Variants in COL19A1 observed in about 807,000 individuals in gnomAD.
The protein encoded by COL19A1 is collagen type XIX alpha 1 chain.
COL19A1 carries 159 observed loss-of-function variants against 190.2 expected under a neutral mutation model. The ratio of observed to expected loss-of-function variants is 0.84; its 90% CI spans 0.73 to 0.95. The LOEUF (loss-of-function observed/expected upper bound fraction) is 0.95, where lower values mean the gene tolerates loss of function less well. COL19A1 is among the 40% of genes least tolerant of loss of function. The pLI, the probability that COL19A1 is intolerant of heterozygous loss-of-function variation, is 0.00. For synonymous variants in COL19A1, 509 were observed against 458.9 expected (o/e 1.11, Z -1.39); for missense variants, 1,418 against 1,431.9 (o/e 0.99, Z 0.16).
At chr6:69,995,433 TTCCTGCCATAG>T (rs1322910053) in intron 11 of COL19A1, among the ~76,000 whole-genome samples, 2 of 152,170 alleles carry the variant, frequency 1.3e-5, no homozygotes, top group Non-Finnish European at 2.9e-5. Flanking sequence ...TTAGGTAGCT[TTCCTGCCATAG>T]CAATTAGCCA....
intron 48 of COL19A1, among the ~76,000 whole-genome samples, chr6:70,190,996 G>A (rs1766834507): frequency 6.6e-6 from 1 of 152,136 alleles, no homozygotes; most frequent in Non-Finnish European, 1.5e-5. Flanking sequence ...ATTTGAATTT[G>A]TTTCCATAAA....
chr6:70,028,316 CAA>C (rs754886389), intron 12 of COL19A1, among the ~76,000 whole-genome samples: 43 of 151,958 alleles, frequency 2.8e-4, no homozygotes, highest in Non-Finnish European at 5.3e-4. Context: ...TGAATGGGAC[CAA>C]GAGCTAACAA....
intron 14 of COL19A1, among the ~76,000 whole-genome samples, chr6:70,048,073 T>C (rs1780002779): frequency 6.6e-6 from 1 of 152,148 alleles, no homozygotes; most frequent in Non-Finnish European, 1.5e-5. Context: ...AGAAGTGCCT[T>C]AGACATGCTT....
At chr6:70,000,546 T>G (rs183183128) in intron 11 of COL19A1, among the ~76,000 whole-genome samples, 2 of 152,342 alleles carry the variant, frequency 1.3e-5, no homozygotes, top group African/African-American at 4.8e-5. Flanking sequence ...TCTTGACTTT[T>G]TAATAATTGC....
In COL19A1 at chr6:70,149,859, A is replaced by T; in HGVS notation, c.1938A>T (p.Arg646=). The T allele has an allele frequency of 6.2e-7, 1 of 1,613,690 alleles. No individual in the cohort carries two copies. Among genetic ancestry groups the T allele is most frequent in the Admixed American group, 1.7e-5 (1 of 59,934 alleles). ...PAGEPGIQGP[R]GLPGLPGTPG... ...TTTCCCTCCTTTTCCAGGGTCCTCG[A>T]GGTCTCCCTGGGTTGCCAGGAACTC... Residue 646 remains arginine, a synonymous_variant, in exon 29 of 51, where the codon CGA becomes CGT. Transcript: ENST00000620364.
At chr6:69,995,104 T>G (rs568993367) in intron 11 of COL19A1, among the ~76,000 whole-genome samples, 38 of 152,320 alleles carry the variant, frequency 2.5e-4, no homozygotes, top group Admixed American at 1.2e-3. Flanking sequence ...CCCCATTATT[T>G]GTCATTCGAA....
chr6:70,079,015 C>T (rs559925468), intron 15 of COL19A1, among the ~76,000 whole-genome samples: 36 of 152,162 alleles, frequency 2.4e-4, no homozygotes, highest in Non-Finnish European at 1.8e-4. Context: ...TTCAGTGAGC[C>T]GAGCTCACAT....
Position 69,932,782 on chromosome 6 carries a change from G to C in COL19A1, c.667-1G>C. The C allele has an allele frequency of 6.3e-7, 1 of 1,584,542 alleles. No homozygotes were observed. Among genetic ancestry groups the C allele is most frequent in the South Asian group, 1.1e-5 (1 of 87,780 alleles). On this transcript the variant is annotated splice_acceptor_variant, in intron 6 of 50. Coordinates refer to ENST00000620364, the MANE Select transcript of COL19A1 (RefSeq NM_001858.6). LOFTEE classifies it high-confidence loss of function. ...GTTTCTTATTACTAATTTTTTCATA[G>C]ATTGAACTTCACCAACTTAAAATCT...
chr6:69,943,975 C>T (rs1370793570), intron 9 of COL19A1, among the ~76,000 whole-genome samples: 1 of 152,090 alleles, frequency 6.6e-6, no homozygotes, highest in African/African-American at 2.4e-5. Flanking sequence ...TAACCATGGG[C>T]TATGAGGCTT....
At chr6:70,102,262 G>A (rs1311301527) in intron 16 of COL19A1, 40 bp downstream of exon 16, 2 of 1,380,582 alleles carry the variant, frequency 1.4e-6, no homozygotes, top group African/African-American at 2.8e-5. Flanking sequence ...TAAAGAGTCT[G>A]TCTTTATGTC....
chr6:70,118,099 G>A (rs1217375178), intron 16 of COL19A1, among the ~76,000 whole-genome samples: 3 of 152,162 alleles, frequency 2.0e-5, no homozygotes, highest in Non-Finnish European at 4.4e-5. Flanking sequence ...CTTACCACAA[G>A]TCTTTAACTT....
chr6:69,973,042 T>A (rs1272212812), intron 11 of COL19A1, among the ~76,000 whole-genome samples: 1 of 152,144 alleles, frequency 6.6e-6, no homozygotes, highest in African/African-American at 2.4e-5. Flanking sequence ...AAGTTTGGGG[T>A]CACATAAGAA....
chr6:70,156,518 T>G (rs1037620479), intron 33 of COL19A1, 149 bp downstream of exon 33: 7 of 1,010,416 alleles, frequency 6.9e-6, no homozygotes, highest in Non-Finnish European at 1.0e-5. Flanking sequence ...AGAGAGAAAG[T>G]GATGTAAAAG....
chr6:70,159,118 G>A (rs1438069245), intron 34 of COL19A1, among the ~76,000 whole-genome samples: 1 of 149,732 alleles, frequency 6.7e-6, no homozygotes, highest in African/African-American at 2.5e-5. Flanking sequence ...AACATCTCTG[G>A]ACTGATTCAG....
At chr6:69,888,960 G>A (rs1039949388) in intron 2 of COL19A1, among the ~76,000 whole-genome samples, 5 of 152,142 alleles carry the variant, frequency 3.3e-5, no homozygotes, top group African/African-American at 9.7e-5. Flanking sequence ...ATGTGTACAG[G>A]GGGGCTGAGG....
In COL19A1 at chr6:70,209,410, T is replaced by G. The variant is rs1583173917; in HGVS notation, c.*2136T>G. 6.6e-6 allele frequency: 1 copy of G among 152,164 alleles called. No individual in the cohort carries two copies. Among genetic ancestry groups the G allele is most frequent in the East Asian group, 1.9e-4 (1 of 5,200 alleles). 9.4% of individuals were successfully genotyped at this position (152,164 alleles called of 1,614,324 possible). On this transcript the variant is annotated 3_prime_UTR_variant, in exon 51 of 51. Transcript: ENST00000620364. ...GACTTTTTTGCTGATGGTAATCAAC[T>G]TTTTTTGTTTTTTGGTTTTTGAGTT... is the stretch of plus-strand genomic sequence containing the variant.
intron 15 of COL19A1, among the ~76,000 whole-genome samples, chr6:70,069,394 G>A (rs949523821): frequency 2.0e-5 from 3 of 152,134 alleles, no homozygotes; most frequent in African/African-American, 7.2e-5. Context: ...GGTCAGTGGT[G>A]TATTGTACTA....
intron 15 of COL19A1, among the ~76,000 whole-genome samples, chr6:70,071,993 G>A (rs1781587268): frequency 6.6e-6 from 1 of 152,068 alleles, no homozygotes; most frequent in South Asian, 2.1e-4. Flanking sequence ...TCAAGAAAAT[G>A]TGTAAGGAAA....
At chr6:70,086,752 G>A (rs967380526) in intron 15 of COL19A1, among the ~76,000 whole-genome samples, 1 of 152,192 alleles carries the variant, frequency 6.6e-6, no homozygotes, top group African/African-American at 2.4e-5. Context: ...TCATCTCAAA[G>A]TATAGTAATG....
Sources: allele counts gnomAD v4.1 joint callset (sites outside exome capture counted in the v4.1 genomes callset), GRCh38; gene constraint gnomAD v4.1.1; transcripts MANE v1.5; gene names NCBI Gene and HGNC (gene_info 2026-07-23, HGNC 2026-07-21).